The following ZNF333 variants were observed in gnomAD, a reference collection of about 807,000 sequenced individuals.
ZNF333 encodes zinc finger protein 333.
ZNF333 carries 61 observed loss-of-function variants against 76.1 expected under a neutral mutation model. That is an observed-to-expected ratio of 0.80 (90% CI 0.65 to 0.99). The LOEUF (loss-of-function observed/expected upper bound fraction) is 0.99, where lower values mean the gene tolerates loss of function less well. ZNF333 is among the 50% of genes least tolerant of loss of function. ZNF333 has a pLI of 0.00. For missense variants in ZNF333, 717 were observed against 822.4 expected (o/e 0.87, Z 1.57); for synonymous variants, 284 against 305.0 (o/e 0.93, Z 0.72).
chr19:14,695,767 G>C, intron 4 of ZNF333, 106 bp downstream of exon 4: 2 of 921,024 alleles, frequency 2.2e-6, no homozygotes, highest in Non-Finnish European at 3.5e-6. Context: ...AGGGGACATC[G>C]AAGGCCATTC....
intron 4 of ZNF333, 72 bp downstream of exon 4, chr19:14,695,733 C>A: frequency 1.4e-6 from 2 of 1,385,702 alleles, no homozygotes; most frequent in Non-Finnish European, 2.0e-6. Context: ...GTGTCAAGAG[C>A]ATTTTCAAAG....
At chr19:14,701,268 G>A (rs1403880447) in intron 5 of ZNF333, among the ~76,000 whole-genome samples, 2 of 152,150 alleles carry the variant, frequency 1.3e-5, no homozygotes, top group Non-Finnish European at 2.9e-5. Flanking sequence ...ATGGGGTCTT[G>A]TTCTGTCACC....
In ZNF333 at chr19:14,718,826, A is replaced by C. The variant is rs370890400; in HGVS notation, c.1499A>C (p.His500Pro). 4.3e-6 allele frequency: 7 copies of C among 1,614,072 alleles called. No homozygotes were observed. The highest frequency in any genetic ancestry group is 1.1e-5 in the South Asian group (1 of 91,084). Residue 500 changes from histidine (H) to proline (P), a missense_variant, in exon 12 of 12, where the codon CAT (histidine) becomes CCT (proline). Coordinates refer to ENST00000292530, the MANE Select transcript of ZNF333 (RefSeq NM_032433.4). ...TCACTGAAGACACATCTGCGAACCC[A>C]TACCAGAGAGAAACCATATGAATGC... ...HSSLKTHLRT[H>P]TREKPYECNQ...
At chr19:14,702,546 A>G (rs2041987234) in intron 5 of ZNF333, among the ~76,000 whole-genome samples, 1 of 152,062 alleles carries the variant, frequency 6.6e-6, no homozygotes, top group South Asian at 2.1e-4. Context: ...AAAACTCCCC[A>G]AGGGAGGCTG....
chr19:14,698,931 T>C (rs539697268), intron 4 of ZNF333, among the ~76,000 whole-genome samples: 5 of 140,278 alleles, frequency 3.6e-5, no homozygotes, highest in East Asian at 4.1e-4. Flanking sequence ...TATATATATA[T>C]ATATACACAC....
At chr19:14,713,155 C>T (rs1206575283) in intron 7 of ZNF333, among the ~76,000 whole-genome samples, 1 of 152,174 alleles carries the variant, frequency 6.6e-6, no homozygotes, top group Non-Finnish European at 1.5e-5. Flanking sequence ...TCCTCTCCAT[C>T]TGCGAACCTG....
In ZNF333 at chr19:14,717,174, A is replaced by G. The variant is rs1366098410; in HGVS notation, c.823+85A>G. The stretch of plus-strand genomic sequence containing the variant: ...GGAAACTGTCTTATCAGGGCAACCT[A>G]TTCATACCTTTGACTGAGAAGCCTG... On this transcript the variant is annotated intron_variant, in intron 10 of 11. Transcript: ENST00000292530. The G allele has an allele frequency of 6.3e-6, 7 of 1,105,914 alleles. No homozygotes were observed. In the Admixed American group the frequency reaches 7.6e-5, roughly 12 times the overall value. 68.5% of individuals were successfully genotyped at this position (1,105,914 alleles called of 1,614,324 possible). A position where few individuals can be genotyped will look rare whatever the true frequency, so the allele number is the denominator to read the frequency against.
In ZNF333 at chr19:14,719,580, G is replaced by A. The variant is rs1459319697; in HGVS notation, c.*255G>A. ...TGCATACATCTGAAGTGTACAGTTGGATGAGTTTGACAGATGCATACATGC... is the reference window on the plus strand; with the variant it reads ...TGCATACATCTGAAGTGTACAGTTGAATGAGTTTGACAGATGCATACATGC... On this transcript the variant is annotated 3_prime_UTR_variant, in exon 12 of 12. Transcript: ENST00000292530. 4 of 1,084,770 alleles carry A rather than the reference G, an allele frequency of 3.7e-6. No individual in the cohort carries two copies. The highest frequency in any genetic ancestry group is 3.5e-6 in the Non-Finnish European group (3 of 846,464). 67.2% of individuals were successfully genotyped at this position (1,084,770 alleles called of 1,614,324 possible).
chr19:14,710,994 G>A (rs2042258538), intron 7 of ZNF333, among the ~76,000 whole-genome samples: 1 of 151,740 alleles, frequency 6.6e-6, no homozygotes, highest in African/African-American at 2.4e-5. Context: ...GGGAAGGGAA[G>A]GGGGAAAGGT....
rs781629309 is a variant in ZNF333, at chr19:14,716,210, G to C, written c.699G>C (p.Leu233=). ...GGAGCCTGTATAGAGATGTGATGCT[G>C]GAGAACTACAGGAACCTGGCCTCTG... ...TQRSLYRDVM[L]ENYRNLASVA... is the part of the protein sequence containing the mutation. Residue 233 remains leucine (L), a synonymous_variant, in exon 9 of 12, where the codon CTG becomes CTC. Coordinates refer to ENST00000292530, the MANE Select transcript of ZNF333 (RefSeq NM_032433.4). The C allele has an allele frequency of 1.9e-6, 3 of 1,614,082 alleles. No individual in the cohort carries two copies. The South Asian group carries it at 3.3e-5, about 18-fold the overall frequency.
chr19:14,716,264 CTT>C (rs370162857), intron 9 of ZNF333, 26 bp downstream of exon 9: 712 of 1,256,246 alleles, frequency 5.7e-4, no homozygotes, highest in South Asian at 1.2e-3. Context: ...CTTTTCTTTC[CTT>C]TTTTTTTTTT....
intron 5 of ZNF333, among the ~76,000 whole-genome samples, chr19:14,704,136 T>A (rs2042043794): frequency 1.3e-5 from 2 of 152,064 alleles, no homozygotes; most frequent in Non-Finnish European, 2.9e-5. Flanking sequence ...GTGAAATGTC[T>A]CATAGCCTCT....
intron 7 of ZNF333, among the ~76,000 whole-genome samples, chr19:14,710,696 T>C (rs1244732691): frequency 1.3e-5 from 2 of 152,214 alleles, no homozygotes; most frequent in East Asian, 3.8e-4. Context: ...GAGAATTGCT[T>C]GAACCCGGAA....
At chr19:14,690,919 C>T (rs1410910038) in intron 1 of ZNF333, among the ~76,000 whole-genome samples, 1 of 152,112 alleles carries the variant, frequency 6.6e-6, no homozygotes, top group Non-Finnish European at 1.5e-5. Context: ...ATGGTGAAAC[C>T]CTGTCTTTAC....
At chr19:14,731,476 G>A (rs2042671180) in exon 12 of ZNF333, 2 of 423,206 alleles carry the variant, frequency 4.7e-6, no homozygotes, top group African/African-American at 4.0e-5. Context: ...TGCAATGACT[G>A]TTAGATGCAG....
chr19:14,715,201 TTGCA>T (rs1568550282), intron 7 of ZNF333, 177 bp from the exon 8 acceptor site: 7 of 579,416 alleles, frequency 1.2e-5, no homozygotes, highest in South Asian at 3.9e-5. Context: ...GTGCATGTGA[TTGCA>T]TGCATGCGTG....
At chr19:14,715,175 A>C (rs2042391524) in intron 7 of ZNF333, 2 of 544,896 alleles carry the variant, frequency 3.7e-6, no homozygotes, top group African/African-American at 3.8e-5. Flanking sequence ...ATATGTGTGC[A>C]TGTCTGTGTA....
chr19:14,731,841 A>G (rs2147053522), exon 12 of ZNF333: 1 of 152,340 alleles, frequency 6.6e-6, no homozygotes, highest in South Asian at 2.1e-4. Context: ...CATCATAAAT[A>G]AAGAGAATGG....
chr19:14,732,663 A>G (rs1325308272), exon 12 of ZNF333: 2 of 152,208 alleles, frequency 1.3e-5, no homozygotes, highest in Non-Finnish European at 2.9e-5. Context: ...AAAAAGAAGA[A>G]TGATATTTTG....
Sources: gnomAD v4.1 joint callset for allele counts (sites outside exome capture counted in the v4.1 genomes callset) on GRCh38, gnomAD v4.1.1 for gene constraint, MANE v1.5 for transcripts, NCBI Gene and HGNC (gene_info 2026-07-23, HGNC 2026-07-21) for gene names.